The following DSEL variants were observed in gnomAD, a reference collection of about 807,000 sequenced individuals.
The protein encoded by DSEL is dermatan-sulfate epimerase-like protein.
A neutral mutation model predicts 96.6 loss-of-function variants in DSEL; 61 were observed. That is an observed-to-expected ratio of 0.63 (90% CI 0.51 to 0.78). The LOEUF (loss-of-function observed/expected upper bound fraction) is 0.78, where lower values mean the gene tolerates loss of function less well. Ranked by LOEUF, DSEL falls within the 30% of genes least tolerant of loss-of-function variation. The probability of loss-of-function intolerance (pLI) is 0.00; values close to 1 mark genes in which losing one functional copy is unlikely to be tolerated. For missense variants in DSEL, 1,320 were observed against 1,430.8 expected (o/e 0.92, Z 1.25); for synonymous variants, 514 against 502.0 (o/e 1.02, Z -0.32).
At position 67,515,060 on chromosome 18, in the gene DSEL, C is replaced by G. The variant is rs1284721801; in HGVS notation, c.-452G>C. The G allele has an allele frequency of 5.6e-6, 1 of 179,430 alleles. No individual in the cohort carries two copies. Among genetic ancestry groups the G allele is most frequent in the East Asian group, 1.8e-4 (1 of 5,568 alleles). The allele number at this position is 179,430 out of a possible 1,614,324, so 11.1% of individuals were successfully genotyped here. A position where few individuals can be genotyped will look rare whatever the true frequency, so the allele number is the denominator to read the frequency against. On this transcript the variant is annotated 5_prime_UTR_variant, in exon 2 of 2. The change abolishes an upstream ATG in the 5' untranslated region. Coordinates refer to ENST00000310045, the MANE Select transcript of DSEL (RefSeq NM_032160.3). ...CATCACTGGTGATAAGCTCACCACA[C>G]ATGTATGATGCATTTGTGTATGTTT...
At position 67,513,054 on chromosome 18, in the gene DSEL, G is replaced by A; in HGVS notation, c.1555C>T (p.Leu519=). ...TTAAGCCACTGCGCACATTCTCCCA[G>A]TTGACCTTCCCAGGGCTTATTACAC... ...SQCNKPWEGQ[L]GECAQWLKWT... The change falls in exon 2 of 2, where the codon CTG becomes TTG. Residue 519 remains leucine, a synonymous_variant. Coordinates refer to ENST00000310045, the MANE Select transcript of DSEL (RefSeq NM_032160.3). 6.2e-7 allele frequency: 1 copy of A among 1,614,158 alleles called. No homozygotes were observed. The highest frequency in any genetic ancestry group is 8.5e-7 in the Non-Finnish European group (1 of 1,180,038).
In DSEL at chr18:67,512,215, T is replaced by C; in HGVS notation, c.2394A>G (p.Arg798=). The C allele has an allele frequency of 6.2e-7, 1 of 1,614,140 alleles. No individual in the cohort carries two copies. The highest frequency in any genetic ancestry group is 8.5e-7 in the Non-Finnish European group (1 of 1,180,022). ...GTATTAATATCCATCGCATTAGTTTTCTAAAAGAAAGGTAAAAACGCCATT... is the reference window on the plus strand; with the variant it reads ...GTATTAATATCCATCGCATTAGTTTCCTAAAAGAAAGGTAAAAACGCCATT... ...TFQWRFYLSF[R]KLMRWILILV... Residue 798 remains arginine, a synonymous_variant, in exon 2 of 2, where the codon AGA becomes AGG. Transcript: ENST00000310045.
rs1177358102 is a variant in DSEL, at chr18:67,514,576, G to A, written c.33C>T (p.Phe11=). 22 of 1,614,130 alleles carry A rather than the reference G, an allele frequency of 1.4e-5. No homozygotes were observed. The highest frequency in any genetic ancestry group is 1.7e-5 in the Admixed American group (1 of 60,026). Residue 11 remains phenylalanine, a synonymous_variant, in exon 2 of 2, where the codon TTC becomes TTT. Transcript: ENST00000310045. ...AGAAAGCAAACATCAATAATGCTAAGAATAGTAAATGTCCTGTAAACATTA... is the reference window on the plus strand; with the variant it reads ...AGAAAGCAAACATCAATAATGCTAAAAATAGTAAATGTCCTGTAAACATTA... MALMFTGHLL[F]LALLMFAFST...
rs1598977573 is a variant in DSEL, at chr18:67,509,017, A to T, written c.*1953T>A. 1 of 152,400 alleles carries T rather than the reference A, an allele frequency of 6.6e-6. No homozygotes were observed. The highest frequency in any genetic ancestry group is 2.4e-5 in the African/African-American group (1 of 41,422). 9.4% of individuals were successfully genotyped at this position (152,400 alleles called of 1,614,324 possible). A position where few individuals can be genotyped will look rare whatever the true frequency, so the allele number is the denominator to read the frequency against. On this transcript the variant is annotated 3_prime_UTR_variant, in exon 2 of 2. Coordinates refer to ENST00000310045, the MANE Select transcript of DSEL (RefSeq NM_032160.3). ...CCGAAGTGCTGGGATTACAGGCGTG[A>T]GCCACTGCACCCGGCCGCCAACAGG...
In DSEL at chr18:67,510,222, A is replaced by C. The variant is rs1350115179; in HGVS notation, c.*748T>G. The C allele has an allele frequency of 7.2e-5, 11 of 152,236 alleles. No homozygotes were observed. Among genetic ancestry groups the C allele is most frequent in the Admixed American group, 7.2e-4 (11 of 15,274 alleles). 9.4% of individuals were successfully genotyped at this position (152,236 alleles called of 1,614,324 possible). A position where few individuals can be genotyped will look rare whatever the true frequency, so the allele number is the denominator to read the frequency against. ...AACAGCTGTAGCTCCAGGGAGGATA[A>C]AAAGTGAAAGGAGAGTTTTAAACAG... On this transcript the variant is annotated 3_prime_UTR_variant, in exon 2 of 2. Coordinates refer to ENST00000310045, the MANE Select transcript of DSEL (RefSeq NM_032160.3).
Position 67,514,846 on chromosome 18 carries a change from T to G in DSEL, c.-238A>C. Reference sequence around the variant, plus strand: ...CACAGTTTTGCTTCCAGTAAAACTTTGAATAACGTTAAAATCTCTAATTTT... The same window carrying G: ...CACAGTTTTGCTTCCAGTAAAACTTGGAATAACGTTAAAATCTCTAATTTT... On this transcript the variant is annotated 5_prime_UTR_variant, in exon 2 of 2. Coordinates refer to ENST00000310045, the MANE Select transcript of DSEL (RefSeq NM_032160.3). 1 of 504,008 alleles carries G rather than the reference T, an allele frequency of 2.0e-6. No homozygotes were observed. The highest frequency in any genetic ancestry group is 3.6e-6 in the Non-Finnish European group (1 of 280,394). 31.2% of individuals were successfully genotyped at this position (504,008 alleles called of 1,614,324 possible). A position where few individuals can be genotyped will look rare whatever the true frequency, so the allele number is the denominator to read the frequency against.
rs758970188 is a variant in DSEL at position 67,514,566 on chromosome 18, A to G, written c.43T>C (p.Leu15=). The change falls in exon 2 of 2, where the codon TTG becomes CTG. Residue 15 remains leucine (L), a synonymous_variant. Transcript: ENST00000310045. ...TCAAAAGTAGAGAAAGCAAACATCAATAATGCTAAGAATAGTAAATGTCCT... is the reference window on the plus strand; with the variant it reads ...TCAAAAGTAGAGAAAGCAAACATCAGTAATGCTAAGAATAGTAAATGTCCT... The part of the protein sequence containing the change: ...FTGHLLFLAL[L]MFAFSTFEES... 5.0e-5 allele frequency: 80 copies of G among 1,614,068 alleles called. No individual in the cohort carries two copies. The highest frequency in any genetic ancestry group is 5.8e-5 in the Non-Finnish European group (68 of 1,180,014).
At position 67,512,091 on chromosome 18, in the gene DSEL, T is replaced by C; in HGVS notation, c.2518A>G (p.Lys840Glu). The stretch of plus-strand genomic sequence containing the variant: ...TGCCCTTCAGAAGACAAAGACTTCT[T>C]GCTTCCCTCAGCCTCTGTCCTTGTC... ...KWTRTEAEGS[K>E]KSLSSEGHHM... Residue 840 changes from lysine to glutamate, a missense_variant, in exon 2 of 2, where the codon AAG becomes GAG. By Grantham distance (56) the Lys-to-Glu change is moderately conservative (BLOSUM62 1). Coordinates refer to ENST00000310045, the MANE Select transcript of DSEL (RefSeq NM_032160.3). The C allele has an allele frequency of 1.9e-6, 3 of 1,614,182 alleles. No individual in the cohort carries two copies. Among genetic ancestry groups the C allele is most frequent in the Non-Finnish European group, 2.5e-6 (3 of 1,180,038 alleles).
rs951070949 is a variant in DSEL, at chr18:67,513,910, G to A, written c.699C>T (p.Leu233=). 6.2e-7 allele frequency: 1 copy of A among 1,614,162 alleles called. No homozygotes were observed. The highest frequency in any genetic ancestry group is 1.3e-5 in the African/African-American group (1 of 75,046). The part of the protein sequence containing the change: ...NHQATNMIAL[L]TGALVTGVDK... ...CTACTCCAGTCACCAAGGCCCCTGTGAGTAATGCTATCATATTAGTGGCTT... is the reference window on the plus strand; with the variant it reads ...CTACTCCAGTCACCAAGGCCCCTGTAAGTAATGCTATCATATTAGTGGCTT... Residue 233 remains leucine (L), a synonymous_variant, in exon 2 of 2, where the codon CTC becomes CTT. Coordinates refer to ENST00000310045, the MANE Select transcript of DSEL (RefSeq NM_032160.3).
chr18:67,507,339 T>C lies in DSEL; in HGVS notation c.*3631A>G, dbSNP rs1230003078. 1.2e-4 allele frequency: 10 copies of C among 80,302 alleles called. No homozygotes were observed. The Admixed American group carries it at 1.7e-3, about 13-fold the overall frequency. 5.0% of individuals were successfully genotyped at this position (80,302 alleles called of 1,614,324 possible). ...TCCAGCCTGGGCAACAAAGTGAGAC[T>C]CCATCCCAAAAAAAAAAAAAAAAAA... On this transcript the variant is annotated 3_prime_UTR_variant, in exon 2 of 2. Transcript: ENST00000310045.
Position 67,514,437 on chromosome 18 carries a change from T to A in DSEL, c.172A>T (p.Lys58Ter). 1 of 1,614,130 alleles carries A rather than the reference T, an allele frequency of 6.2e-7. No homozygotes were observed. Among genetic ancestry groups the A allele is most frequent in the Non-Finnish European group, 8.5e-7 (1 of 1,180,026 alleles). ...QDFRPNQKLK[K>*]SMLHPSLYFD... is the part of the protein sequence containing the mutation. ...TATAAACTTGGATGAAGCATACTTT[T>A]CTTCAGCTTTTGGTTGGGTCTGAAA... Residue 58 changes from lysine (K) to a stop codon, truncating the protein, a stop_gained, in exon 2 of 2, where the codon AAA becomes TAA. Coordinates refer to ENST00000310045, the MANE Select transcript of DSEL (RefSeq NM_032160.3). LOFTEE classifies it high-confidence loss of function.
chr18:67,511,883 G>A lies in DSEL; in HGVS notation c.2726C>T (p.Ser909Leu). 1 of 1,614,128 alleles carries A rather than the reference G, an allele frequency of 6.2e-7. No homozygotes were observed. Among genetic ancestry groups the A allele is most frequent in the South Asian group, 1.1e-5 (1 of 91,078 alleles). ...SFVDACEWKV[S>L]DIRSGHFRLL... ...ACGAAAATGCCCACTGCGGATATCT[G>A]ACACCTTCCATTCACAAGCATCTAC... The change falls in exon 2 of 2, where the codon TCA becomes TTA. Residue 909 changes from serine to leucine, a missense_variant. Ser to Leu is a moderately radical substitution (Grantham distance 145). Coordinates refer to ENST00000310045, the MANE Select transcript of DSEL (RefSeq NM_032160.3).
At position 67,511,385 on chromosome 18, in the gene DSEL, GAATTT is replaced by G; in HGVS notation, c.3219_3223del (p.Leu1073PhefsTer8). 6.2e-7 allele frequency: 1 copy of G among 1,603,068 alleles called. No homozygotes were observed. Among genetic ancestry groups the G allele is most frequent in the Non-Finnish European group, 8.5e-7 (1 of 1,179,928 alleles). On this transcript the variant is annotated frameshift_variant, in exon 2 of 2. Transcript: ENST00000310045. LOFTEE classifies it high-confidence loss of function. ...TGGTTCATACTCGAAAGCATAACCCGAATTTAAGTTACATTTGCCTTTACCTCCCT... is the reference window on the plus strand; with the variant it reads ...TGGTTCATACTCGAAAGCATAACCCGAAGTTACATTTGCCTTTACCTCCCT...
In DSEL at chr18:67,513,473, G is replaced by A. The variant is rs1260231243; in HGVS notation, c.1136C>T (p.Ala379Val). ...AGTGTGAAGAGTACTCCACCTTTGG[G>A]CAGTTGAAGGAACCATCGGTCCATC... is the stretch of plus-strand genomic sequence containing the variant. ...PKDGPMVPST[A>V]QRWSTLHTEY... The change falls in exon 2 of 2, where the codon GCC (alanine) becomes GTC (valine). Residue 379 changes from alanine to valine, a missense_variant. This residue lies in a region of DSEL where 986 missense variants were observed against 1,066.4 expected (regional missense o/e 0.92). Transcript: ENST00000310045. 3.1e-6 allele frequency: 5 copies of A among 1,614,034 alleles called. No individual in the cohort carries two copies. In the African/African-American group the frequency reaches 4.0e-5, roughly 13 times the overall value.
In DSEL at chr18:67,512,862, C is replaced by CT; in HGVS notation, c.1746dup (p.Val583SerfsTer3). On this transcript the variant is annotated frameshift_variant, in exon 2 of 2. Transcript: ENST00000310045. LOFTEE classifies it high-confidence loss of function. Reference sequence around the variant, plus strand: ...TCTTGCCTCTCAATATGATCAACAACTAGCAGAGTTTGGGAATTTAAGAGA... The same window carrying CT: ...TCTTGCCTCTCAATATGATCAACAACTTAGCAGAGTTTGGGAATTTAAGAGA... 6.2e-7 allele frequency: 1 copy of CT among 1,614,106 alleles called. No homozygotes were observed. The highest frequency in any genetic ancestry group is 1.1e-5 in the South Asian group (1 of 91,084).
Position 67,512,579 on chromosome 18 carries a change from C to G in DSEL, c.2030G>C (p.Arg677Thr), listed in dbSNP as rs2089450012. The G allele has an allele frequency of 6.2e-7, 1 of 1,614,016 alleles. No homozygotes were observed. Among genetic ancestry groups the G allele is most frequent in the African/African-American group, 1.3e-5 (1 of 74,928 alleles). ...TGGCCCATAAAAGACATATGCAATT[C>G]TTGTGATTGTGGGTTCCATCTGAAA... ...VTFQMEPTIT[R>T]IAYVFYGPYI... Residue 677 changes from arginine to threonine, a missense_variant, in exon 2 of 2, where the codon AGA (arginine) becomes ACA (threonine). Coordinates refer to ENST00000310045, the MANE Select transcript of DSEL (RefSeq NM_032160.3).
Position 67,511,310 on chromosome 18 carries a change from G to A in DSEL, c.3299C>T (p.Ser1100Phe). The A allele has an allele frequency of 6.2e-7, 1 of 1,607,812 alleles. No individual in the cohort carries two copies. The highest frequency in any genetic ancestry group is 8.5e-7 in the Non-Finnish European group (1 of 1,179,962). ...KSKSNAVSLL[S>F]HLWLANTAAA... ...TGCTGTATTTGCTAGCCACAAGTGA[G>A]ACAAGAGGGACACTGCATTTGATTT... The change falls in exon 2 of 2, where the codon TCT (serine) becomes TTT (phenylalanine). Residue 1100 changes from serine (S) to phenylalanine (F), a missense_variant. Coordinates refer to ENST00000310045, the MANE Select transcript of DSEL (RefSeq NM_032160.3).
chr18:67,513,326 T>C lies in DSEL; in HGVS notation c.1283A>G (p.Gln428Arg), dbSNP rs184958886. ...VTYGAGLPNT[Q>R]TNTFVSFKSG... ...TTTAAAAGACACAAAGGTGTTGGTC[T>C]GTGTGTTTGGCAACCCAGCCCCATA... The change falls in exon 2 of 2, where the codon CAG (glutamine) becomes CGG (arginine). Residue 428 changes from glutamine to arginine, a missense_variant. This residue lies in a region of DSEL where 986 missense variants were observed against 1,066.4 expected (regional missense o/e 0.92). Transcript: ENST00000310045. 4 of 1,614,118 alleles carry C rather than the reference T, an allele frequency of 2.5e-6. No individual in the cohort carries two copies. Among genetic ancestry groups the C allele is most frequent in the African/African-American group, 1.3e-5 (1 of 74,932 alleles).
In DSEL at chr18:67,509,923, A is replaced by C. The variant is rs2089431896; in HGVS notation, c.*1047T>G. Reference sequence around the variant, plus strand: ...GCTTTCAACTTTTGCAGACACTGGCAGTCTGTAAACTCATTCAAAGGGATG... The same window carrying C: ...GCTTTCAACTTTTGCAGACACTGGCCGTCTGTAAACTCATTCAAAGGGATG... On this transcript the variant is annotated 3_prime_UTR_variant, in exon 2 of 2. Coordinates refer to ENST00000310045, the MANE Select transcript of DSEL (RefSeq NM_032160.3). The C allele has an allele frequency of 1.3e-5, 2 of 152,682 alleles. No individual in the cohort carries two copies. Among genetic ancestry groups the C allele is most frequent in the African/African-American group, 4.8e-5 (2 of 41,464 alleles). The allele number at this position is 152,682 out of a possible 1,614,324, so 9.5% of individuals were successfully genotyped here.
Sources: gnomAD v4.1 joint callset for allele counts on GRCh38, gnomAD v4.1.1 for gene constraint, gnomAD v4.1.1 regional missense constraint, MANE v1.5 for transcripts, NCBI Gene and HGNC (gene_info 2026-07-23, HGNC 2026-07-21) for gene names.